The following DAB1 variants were observed in gnomAD, a reference collection of about 807,000 sequenced individuals.
The protein encoded by DAB1 is disabled homolog 1.
A neutral mutation model predicts 64.6 loss-of-function variants in DAB1; 15 were observed. That is an observed-to-expected ratio of 0.23 (90% CI 0.16 to 0.36). The LOEUF (loss-of-function observed/expected upper bound fraction) is 0.36. Ranked by LOEUF, DAB1 falls within the 10% of genes least tolerant of loss-of-function variation. The pLI, the probability that DAB1 is intolerant of heterozygous loss-of-function variation, is 1.00. For synonymous variants in DAB1, 235 were observed against 251.9 expected, an observed-to-expected ratio of 0.93 and a Z score of 0.64; for missense variants, 596 against 706.7, an observed-to-expected ratio of 0.84 and a Z score of 1.78.
intron 6 of DAB1, among the ~76,000 whole-genome samples, chr1:57,668,248 G>A (rs752668430): frequency 3.4e-4 from 52 of 151,820 alleles, no homozygotes; most frequent in South Asian, 2.1e-4. Flanking sequence ...CTTTTTTAAT[G>A]TGATACTAAA....
At chr1:57,069,461 G>A (rs183354766) in intron 7 of DAB1, 36 bp from the exon 8 acceptor site, 8 of 1,562,546 alleles carry the variant, frequency 5.1e-6, no homozygotes, top group East Asian at 2.2e-5. Context: ...AAGGTCAGAG[G>A]TGAAAAAGAA....
intron 1 of DAB1, among the ~76,000 whole-genome samples, chr1:57,356,218 C>G (rs965323320): frequency 7.2e-5 from 11 of 152,022 alleles, no homozygotes; most frequent in African/African-American, 2.4e-4. Flanking sequence ...CTCCCTGCTC[C>G]TTTTCAAAGA....
At chr1:58,194,851 A>G (rs776961583) in intron 4 of DAB1, among the ~76,000 whole-genome samples, 4 of 152,216 alleles carry the variant, frequency 2.6e-5, no homozygotes, top group Non-Finnish European at 4.4e-5. Flanking sequence ...ATAATATTAA[A>G]TTGGAATACA....
At chr1:57,399,659 C>T (rs1683083615) in intron 1 of DAB1, among the ~76,000 whole-genome samples, 2 of 152,160 alleles carry the variant, frequency 1.3e-5, no homozygotes, top group African/African-American at 4.8e-5. Flanking sequence ...GGTAAGAAGC[C>T]TTCATTTTAC....
intron 7 of DAB1, among the ~76,000 whole-genome samples, chr1:57,553,461 AG>A (rs1387066448): frequency 5.5e-5 from 3 of 54,176 alleles, no homozygotes; most frequent in African/African-American, 1.5e-4. Flanking sequence ...AGAAAGAAAG[AG>A]AAAGGGAAAG....
Position 57,577,128 on chromosome 1 carries a change from A to G in DAB1, n.625+72464T>C, listed in dbSNP as rs375666682. 1.2e-4 allele frequency among the ~76,000 whole-genome samples: 18 copies of G among 152,330 alleles called. No homozygotes were observed. The East Asian group carries it at 3.3e-3, about 28-fold the overall frequency. ...TCTGTAATGCTCGGGAAAGCAGGCC[A>G]TCAGGGCTTCTGATGGGGGACACTT... On this transcript the variant is annotated intron_variant and non_coding_transcript_variant, in intron 7 of 20. Coordinates refer to the DAB1 transcript ENST00000485760.
At chr1:57,075,559 T>C (rs539512072) in intron 4 of DAB1, among the ~76,000 whole-genome samples, 1 of 152,342 alleles carries the variant, frequency 6.6e-6, no homozygotes, top group East Asian at 1.9e-4. Flanking sequence ...TACATTAGAA[T>C]TCTGCTAATC....
chr1:57,763,365 G>T (rs768946933), intron 6 of DAB1, among the ~76,000 whole-genome samples: 11 of 152,132 alleles, frequency 7.2e-5, no homozygotes. Context: ...GTAAGATTTA[G>T]TTCTTGAAGT....
intron 6 of DAB1, among the ~76,000 whole-genome samples, chr1:57,805,571 T>C (rs1489786394): frequency 1.3e-5 from 2 of 152,200 alleles, no homozygotes; most frequent in East Asian, 3.8e-4. Flanking sequence ...GTTGTATGTC[T>C]TCAAATATCA....
intron 7 of DAB1, among the ~76,000 whole-genome samples, chr1:57,567,869 T>C (rs563715834): frequency 1.9e-3 from 296 of 152,256 alleles, no homozygotes; most frequent in Non-Finnish European, 3.1e-3. Context: ...TTTATAGATT[T>C]AATGCCATCC....
intron 4 of DAB1, chr1:58,228,935 G>A (rs1427910103): frequency 2.3e-5 from 11 of 478,530 alleles, no homozygotes; most frequent in Non-Finnish European, 3.7e-5. Context: ...CAAATATGCT[G>A]CTAGATTGAC....
At chr1:58,063,603 G>A (rs556242048) in intron 5 of DAB1, among the ~76,000 whole-genome samples, 1 of 152,298 alleles carries the variant, frequency 6.6e-6, no homozygotes, top group South Asian at 2.1e-4. Flanking sequence ...AGAGATCTTG[G>A]CCAAGCAACT....
chr1:58,157,279 T>C (rs1350360527), intron 4 of DAB1, among the ~76,000 whole-genome samples: 1 of 152,194 alleles, frequency 6.6e-6, no homozygotes, highest in African/African-American at 2.4e-5. Flanking sequence ...TATGAATACA[T>C]GTGACTGTAG....
chr1:58,218,891 T>G (rs1319810186), intron 4 of DAB1, among the ~76,000 whole-genome samples: 1 of 152,036 alleles, frequency 6.6e-6, no homozygotes, highest in Non-Finnish European at 1.5e-5. Flanking sequence ...CAGAGACTCC[T>G]TTTAGATTGT....
At position 57,163,111 on chromosome 1, in the gene DAB1, C is replaced by T. The variant is rs74376182; in HGVS notation, c.68-17682G>A. On this transcript the variant is annotated intron_variant, in intron 2 of 14. Coordinates refer to ENST00000371236, the MANE Select transcript of DAB1 (RefSeq NM_001365792.1). ...CCAAGCACTGGCCCAAGTCCCAGGG[C>T]ACAGTCATGAACCAGAGGGAGGAAG... is the stretch of plus-strand genomic sequence containing the variant. 7.2e-5 allele frequency among the ~76,000 whole-genome samples: 11 copies of T among 152,318 alleles called. No homozygotes were observed. The East Asian group carries it at 1.7e-3, about 24-fold the overall frequency.
At chr1:57,201,697 T>C (rs1665112611) in intron 2 of DAB1, among the ~76,000 whole-genome samples, 1 of 152,110 alleles carries the variant, frequency 6.6e-6, no homozygotes, top group African/African-American at 2.4e-5. Flanking sequence ...CATAGTATTT[T>C]CTCCCAAAGC....
At chr1:58,318,651 G>A (rs1662611796) in intron 4 of DAB1, among the ~76,000 whole-genome samples, 1 of 152,192 alleles carries the variant, frequency 6.6e-6, no homozygotes, top group Admixed American at 6.5e-5. Flanking sequence ...GCTTGGTCTA[G>A]AGCCATGGTT....
chr1:57,153,278 G>A (rs867246639), intron 2 of DAB1, among the ~76,000 whole-genome samples: 40 of 152,108 alleles, frequency 2.6e-4, no homozygotes, highest in African/African-American at 9.4e-4. Flanking sequence ...TGCCTGCCTC[G>A]GCCTCCCTGA....
At chr1:58,281,007 G>A (rs1193839050) in intron 4 of DAB1, among the ~76,000 whole-genome samples, 7 of 152,176 alleles carry the variant, frequency 4.6e-5, no homozygotes, top group Admixed American at 2.6e-4. Flanking sequence ...GAGAGGAGAG[G>A]AGCATTCCAT....
Sources: gnomAD v4.1 joint callset for allele counts (sites outside exome capture counted in the v4.1 genomes callset) on GRCh38, gnomAD v4.1.1 for gene constraint, MANE v1.5 for transcripts, NCBI Gene and HGNC (gene_info 2026-07-23, HGNC 2026-07-21) for gene names.